The following BBS9 variants were observed in gnomAD, a reference collection of about 807,000 sequenced individuals.
The protein encoded by BBS9 is protein PTHB1.
Under a neutral mutation model 117.7 loss-of-function variants are expected in BBS9, and 89 were observed. The observed-to-expected ratio is 0.76, with a 90% CI of 0.64 to 0.90. BBS9 has a LOEUF of 0.90. Ranked by LOEUF, BBS9 falls within the 40% of genes least tolerant of loss-of-function variation. The probability of loss-of-function intolerance (pLI) is 0.00; values close to 1 mark genes in which losing one functional copy is unlikely to be tolerated. For synonymous variants in BBS9, 379 were observed against 370.9 expected (o/e 1.02, Z -0.25); for missense variants, 982 against 1,042.2 (o/e 0.94, Z 0.80).
intron 21 of BBS9, among the ~76,000 whole-genome samples, chr7:33,622,692 G>A (rs540115564): frequency 6.6e-6 from 1 of 152,292 alleles, no homozygotes; most frequent in South Asian, 2.1e-4. Context: ...CAGATATCAA[G>A]TCTAATTGTA....
exon 22 of BBS9, among the ~76,000 whole-genome samples, chr7:33,635,517 C>T (rs1282196524): frequency 1.3e-5 from 2 of 152,222 alleles, no homozygotes; most frequent in Admixed American, 6.5e-5. Context: ...CTCTTCCAGT[C>T]TGTGAGCTAC....
Position 33,383,677 on chromosome 7 carries a change from A to G in BBS9, c.1801A>G (p.Ile601Val), listed in dbSNP as rs377588119. The G allele has an allele frequency of 1.0e-5, 16 of 1,606,940 alleles. No homozygotes were observed. The highest frequency in any genetic ancestry group is 1.4e-5 in the Non-Finnish European group (16 of 1,175,692). ...TTTTTTTCTCTCAGAACGATATCGC[A>G]TTCAGAGTGAACAATTTGAAGATCT... ...LASKTSQRYR[I>V]QSEQFEDLWL... The change falls in exon 18 of 23, where the codon ATT becomes GTT. Residue 601 changes from isoleucine (I) to valine (V), a missense_variant. Transcript: ENST00000242067.
At chr7:33,632,042 T>A (rs1242938248) in intron 21 of BBS9, among the ~76,000 whole-genome samples, 1 of 152,166 alleles carries the variant, frequency 6.6e-6, no homozygotes, top group Non-Finnish European at 1.5e-5. Context: ...CAAATTAGGC[T>A]GGAAACCGTA....
At position 33,357,890 on chromosome 7, in the gene BBS9, C is replaced by T. The variant is rs1362054920; in HGVS notation, c.1588C>T (p.Pro530Ser). ...AGTTATCCAATGTAAATTTAGACTTCCCCTAAAGTTAATTTGCCTACCAGG... is the reference window on the plus strand; with the variant it reads ...AGTTATCCAATGTAAATTTAGACTTTCCCTAAAGTTAATTTGCCTACCAGG... ...PRVIQCKFRLPLKLICLPGQP... is the reference protein window; with the variant it reads ...PRVIQCKFRLSLKLICLPGQP... Residue 530 changes from proline to serine, a missense_variant, in exon 16 of 23, where the codon CCC becomes TCC. Transcript: ENST00000242067. 1.9e-6 allele frequency: 3 copies of T among 1,611,806 alleles called. No individual in the cohort carries two copies. Among genetic ancestry groups the T allele is most frequent in the East Asian group, 2.2e-5 (1 of 44,802 alleles).
rs751890759 is a variant in BBS9, at chr7:33,273,972, T to C, written c.1016+16T>C. On this transcript the variant is annotated intron_variant, in intron 9 of 22. Coordinates refer to ENST00000242067, the MANE Select transcript of BBS9 (RefSeq NM_198428.3). Reference sequence around the variant, plus strand: ...GCTGTTTGCAGTAAGTGATTTAATTTAACACAGTTTTTAAAGAGGATGTTA... The same window carrying C: ...GCTGTTTGCAGTAAGTGATTTAATTCAACACAGTTTTTAAAGAGGATGTTA... 6.2e-7 allele frequency: 1 copy of C among 1,613,202 alleles called. No homozygotes were observed. Among genetic ancestry groups the C allele is most frequent in the South Asian group, 1.1e-5 (1 of 91,038 alleles).
chr7:33,423,012 C>G (rs917467584), intron 19 of BBS9, among the ~76,000 whole-genome samples: 9 of 152,124 alleles, frequency 5.9e-5, no homozygotes, highest in Admixed American at 5.2e-4. Context: ...AGGTCAATGA[C>G]CCTTCTATCA....
At chr7:33,224,082 A>G (rs1790784410) in intron 5 of BBS9, among the ~76,000 whole-genome samples, 7 of 152,162 alleles carry the variant, frequency 4.6e-5, no homozygotes. Context: ...GTGATTAGTC[A>G]GATTTGTATT....
chr7:33,235,948 T>C (rs1434671618), intron 5 of BBS9, among the ~76,000 whole-genome samples: 1 of 152,190 alleles, frequency 6.6e-6, no homozygotes, highest in Non-Finnish European at 1.5e-5. Context: ...GATATATAGC[T>C]CTTTTTGAGT....
chr7:33,607,690 GAT>G (rs1283316033), downstream of BBS9, among the ~76,000 whole-genome samples: 1 of 151,846 alleles, frequency 6.6e-6, no homozygotes, highest in Non-Finnish European at 1.5e-5. Flanking sequence ...TGAATTAAAA[GAT>G]AATTTTTTCT....
chr7:33,171,602 A>G (rs1482248799), intron 4 of BBS9, among the ~76,000 whole-genome samples: 4 of 152,162 alleles, frequency 2.6e-5, no homozygotes, highest in Non-Finnish European at 4.4e-5. Flanking sequence ...AAGTTTTTAG[A>G]AAGATTTTTC....
At chr7:33,633,685 C>A (rs75370234) in intron 21 of BBS9, among the ~76,000 whole-genome samples, 9,144 of 152,110 alleles carry the variant, frequency 0.06, 914 homozygotes, top group East Asian at 0.37. Context: ...TAAAGGCATA[C>A]TTGCAGTATT....
chr7:33,604,991 G>A lies in BBS9; in HGVS notation c.2632+16G>A. Reference sequence around the variant, plus strand: ...CCCAGGCCTGGTAAGAGACTGGATGGCCTTCACAAGCGTTAGTTAAGTCAG... The same window carrying A: ...CCCAGGCCTGGTAAGAGACTGGATGACCTTCACAAGCGTTAGTTAAGTCAG... On this transcript the variant is annotated intron_variant, in intron 22 of 22. Coordinates refer to ENST00000242067, the MANE Select transcript of BBS9 (RefSeq NM_198428.3). 1.3e-6 allele frequency: 2 copies of A among 1,577,024 alleles called. No individual in the cohort carries two copies. The highest frequency in any genetic ancestry group is 1.7e-6 in the Non-Finnish European group (2 of 1,146,686).
chr7:33,621,632 A>T (rs150803541), intron 21 of BBS9, among the ~76,000 whole-genome samples: 3,093 of 152,248 alleles, frequency 0.02, 67 homozygotes, highest in South Asian at 0.11. Flanking sequence ...GGAGATTCTT[A>T]AAAAAATTAA....
chr7:33,624,736 AT>A (rs1318019804), intron 21 of BBS9, among the ~76,000 whole-genome samples: 5 of 152,234 alleles, frequency 3.3e-5, no homozygotes, highest in Admixed American at 2.6e-4. Context: ...GTAATTGATT[AT>A]CCAAACTGTA....
At position 33,385,006 on chromosome 7, in the gene BBS9, G is replaced by A. The variant is rs974798726; in HGVS notation, c.1962+1168G>A. Among the ~76,000 whole-genome samples, 3 of 152,242 alleles carry A rather than the reference G, an allele frequency of 2.0e-5. No homozygotes were observed. The East Asian group carries it at 5.8e-4, about 29-fold the overall frequency. On this transcript the variant is annotated intron_variant, in intron 18 of 22. Transcript: ENST00000242067. ...AGTATGTTTAGGTATCGTATGGAAT[G>A]AGAATCTTTGCAATTCCTTGGGATA...
chr7:33,219,499 C>T (rs1027180791), intron 5 of BBS9, among the ~76,000 whole-genome samples: 39 of 152,156 alleles, frequency 2.6e-4, no homozygotes, highest in African/African-American at 7.2e-4. Context: ...ATACACCAAT[C>T]GGCACTCTGT....
chr7:33,396,415 C>A (rs1255150341), intron 19 of BBS9, among the ~76,000 whole-genome samples: 1 of 151,776 alleles, frequency 6.6e-6, no homozygotes, highest in African/African-American at 2.4e-5. Flanking sequence ...TAATAAGTTA[C>A]AAATAATGAA....
chr7:33,537,691 C>A (rs1851665939), intron 21 of BBS9, among the ~76,000 whole-genome samples: 1 of 152,104 alleles, frequency 6.6e-6, no homozygotes, highest in Non-Finnish European at 1.5e-5. Context: ...CATATATGTT[C>A]CCAACCTTCT....
intron 3 of BBS9, among the ~76,000 whole-genome samples, chr7:33,153,678 A>G (rs1793684540): frequency 6.6e-6 from 1 of 152,160 alleles, no homozygotes; most frequent in South Asian, 2.1e-4. Context: ...TTGAAAACCA[A>G]ACAACCACTC....
Sources: gnomAD v4.1 joint callset for allele counts (sites outside exome capture counted in the v4.1 genomes callset) on GRCh38, gnomAD v4.1.1 for gene constraint, MANE v1.5 for transcripts, NCBI Gene and HGNC (gene_info 2026-07-23, HGNC 2026-07-21) for gene names.